The following APC variants were observed in gnomAD, a reference collection of about 807,000 sequenced individuals.
APC encodes adenomatous polyposis coli protein.
A neutral mutation model predicts 247.0 loss-of-function variants in APC; 72 were observed. The ratio of observed to expected loss-of-function variants is 0.29; its 90% CI spans 0.24 to 0.35. The LOEUF is 0.35. Among genes scored for constraint, APC ranks in the 10% least tolerant of loss-of-function variants. APC has a pLI of 1.00. For synonymous variants in APC, 1,254 were observed against 1,162.5 expected, an observed-to-expected ratio of 1.08 and a Z score of -1.60; for missense variants, 3,400 against 3,360.7, an observed-to-expected ratio of 1.01 and a Z score of -0.29.
chr5:112,709,569 TC>T (rs1438327794), intron 1 of APC, among the ~76,000 whole-genome samples: 1 of 152,140 alleles, frequency 6.6e-6, no homozygotes. Flanking sequence ...GATTTGTAGC[TC>T]TGTATCAAAA....
At chr5:112,803,719 G>C (rs1761077313) in intron 8 of APC, among the ~76,000 whole-genome samples, 1 of 152,102 alleles carries the variant, frequency 6.6e-6, no homozygotes, top group Non-Finnish European at 1.5e-5. Flanking sequence ...TAATTGAAAA[G>C]GACAGACAGT....
At chr5:112,770,763 T>G (rs1000332017) in intron 4 of APC, among the ~76,000 whole-genome samples, 5 of 152,134 alleles carry the variant, frequency 3.3e-5, no homozygotes, top group Non-Finnish European at 5.9e-5. Flanking sequence ...CTCACCACTC[T>G]GAAAGATGAA....
intron 8 of APC, among the ~76,000 whole-genome samples, chr5:112,809,597 CAAAAAAA>C (rs113558913): frequency 9.8e-5 from 10 of 102,418 alleles, no homozygotes; most frequent in Non-Finnish European, 1.5e-4. Flanking sequence ...TGGGTTTCAC[CAAAAAAA>C]AAAAAAAAAA....
At position 112,707,592 on chromosome 5, in the gene APC, G is replaced by C. The variant is rs948080320; in HGVS notation, c.-126G>C. 7.0e-6 allele frequency: 7 copies of C among 1,003,750 alleles called. No homozygotes were observed. The highest frequency in any genetic ancestry group is 7.8e-5 in the East Asian group (2 of 25,792). 62.2% of individuals were successfully genotyped at this position (1,003,750 alleles called of 1,614,324 possible). ...GGAAGCCTAGCCGCTGCTCGGGGGG[G>C]ACCTGCGGGCTCAGGCCCGGGAGCT... On this transcript the variant is annotated 5_prime_UTR_variant, in exon 1 of 14. Coordinates refer to the APC transcript ENST00000507379.
chr5:112,755,987 TC>T (rs1421503512), intron 2 of APC, among the ~76,000 whole-genome samples: 4 of 152,012 alleles, frequency 2.6e-5, no homozygotes, highest in Admixed American at 6.6e-5. Flanking sequence ...AAAAAAATCT[TC>T]CTGCTTTGTG....
At chr5:112,815,953 C>G (rs904116812) in intron 9 of APC, among the ~76,000 whole-genome samples, 1 of 152,194 alleles carries the variant, frequency 6.6e-6, no homozygotes, top group African/African-American at 2.4e-5. Context: ...TATTTTTATA[C>G]AACGAAGCAT....
At chr5:112,799,681 A>G (rs1760599475) in intron 7 of APC, among the ~76,000 whole-genome samples, 2 of 152,240 alleles carry the variant, frequency 1.3e-5, no homozygotes, top group South Asian at 4.1e-4. Context: ...TTGCAAGTAG[A>G]AAAGGCAAGA....
At chr5:112,708,345 G>A (rs1441912832) in intron 1 of APC, among the ~76,000 whole-genome samples, 1 of 152,196 alleles carries the variant, frequency 6.6e-6, no homozygotes, top group Non-Finnish European at 1.5e-5. Flanking sequence ...TGTTCACTTT[G>A]ATGGGAGAAT....
chr5:112,748,822 C>T (rs1311169629), intron 1 of APC, among the ~76,000 whole-genome samples: 4 of 151,508 alleles, frequency 2.6e-5, no homozygotes, highest in Admixed American at 6.6e-5. Flanking sequence ...ATTTAAAAAA[C>T]AAAAAAAAGA....
intron 1 of APC, among the ~76,000 whole-genome samples, chr5:112,730,029 A>G (rs1420492070): frequency 3.3e-5 from 5 of 152,254 alleles, no homozygotes; most frequent in Non-Finnish European, 5.9e-5. Context: ...CTCTTTAGTT[A>G]TTTAACTAAA....
chr5:112,754,150 C>G (rs1754689758), intron 1 of APC, among the ~76,000 whole-genome samples: 1 of 152,136 alleles, frequency 6.6e-6, no homozygotes. Context: ...ATCTTTTGGC[C>G]TCAGTTTGAG....
chr5:112,789,108 T>C (rs924344216), intron 6 of APC, among the ~76,000 whole-genome samples: 3 of 152,226 alleles, frequency 2.0e-5, no homozygotes, highest in African/African-American at 4.8e-5. Context: ...TTATCCTGAA[T>C]CTGTATTACT....
intron 13 of APC, 37 bp downstream of exon 13, chr5:112,828,043 C>G (rs1192696630): frequency 1.3e-6 from 2 of 1,574,250 alleles, no homozygotes; most frequent in South Asian, 1.1e-5. Context: ...TCTTTTTTCT[C>G]TTTTTCTTTG....
In APC at chr5:112,840,261, C is replaced by A. The variant is rs573468341; in HGVS notation, c.4667C>A (p.Thr1556Asn). The A allele has an allele frequency of 6.2e-7, 1 of 1,614,120 alleles. No individual in the cohort carries two copies. The highest frequency in any genetic ancestry group is 2.2e-5 in the East Asian group (1 of 44,882). The change falls in exon 16 of 16, where the codon ACT becomes AAT. Residue 1556 changes from threonine to asparagine, a missense_variant. By Grantham distance (65) the Thr-to-Asn change is moderately conservative (BLOSUM62 0). Transcript: ENST00000257430. This position sits in a 1 kb window ranked among gnomAD's most constrained non-coding sequence, Gnocchi z 4.1. ...AACCAAGAGAAAGAGGCAGAAAAAA[C>A]TATTGATTCTGAAAAGGACCTATTA... ...NENQEKEAEK[T>N]IDSEKDLLDD...
intron 1 of APC, among the ~76,000 whole-genome samples, chr5:112,730,027 T>C (rs767770903): frequency 2.6e-5 from 4 of 152,194 alleles, no homozygotes; most frequent in Non-Finnish European, 5.9e-5. Flanking sequence ...TTCTCTTTAG[T>C]TATTTAACTA....
intron 5 of APC, chr5:112,778,479 AAAAG>A (rs1365313509): frequency 2.6e-5 from 4 of 151,936 alleles, no homozygotes; most frequent in Admixed American, 1.3e-4. Context: ...AAAAAAAAAA[AAAAG>A]AAAATTATAT....
At chr5:112,712,022 G>A (rs1697914) in intron 1 of APC, among the ~76,000 whole-genome samples, 9,988 of 152,264 alleles carry the variant, frequency 0.066, 402 homozygotes, top group Middle Eastern at 0.14. Context: ...CATAGATCAT[G>A]CTGCCAAACC....
intron 1 of APC, among the ~76,000 whole-genome samples, chr5:112,742,040 T>C (rs1045642771): frequency 6.6e-6 from 1 of 152,208 alleles, no homozygotes; most frequent in Non-Finnish European, 1.5e-5. Flanking sequence ...CACTTCAGGT[T>C]GTTTCCACCT....
At chr5:112,770,639 A>G (rs889630773) in intron 4 of APC, among the ~76,000 whole-genome samples, 1 of 152,124 alleles carries the variant, frequency 6.6e-6, no homozygotes, top group African/African-American at 2.4e-5. Flanking sequence ...AAGCATCATA[A>G]ATGAAAAGTA....
Sources: gnomAD v4.1 joint callset for allele counts (sites outside exome capture counted in the v4.1 genomes callset) on GRCh38, gnomAD v4.1.1 for gene constraint, Gnocchi (gnomAD v3.1) non-coding constraint, MANE v1.5 for transcripts, NCBI Gene and HGNC (gene_info 2026-07-23, HGNC 2026-07-21) for gene names.